Variants in DENND1A observed in about 807,000 individuals in gnomAD.
DENND1A encodes DENN domain containing 1A, also known as DENN domain-containing protein 1A.
Under a neutral mutation model 113.7 loss-of-function variants are expected in DENND1A, and 51 were observed. That is an observed-to-expected ratio of 0.45 (90% CI 0.36 to 0.57). The LOEUF is 0.57. Among genes scored for constraint, DENND1A ranks in the 20% least tolerant of loss-of-function variants. The pLI is 0.00. For missense variants in DENND1A, 1,258 were observed against 1,395.9 expected (o/e 0.90, Z 1.57); for synonymous variants, 565 against 570.8 (o/e 0.99, Z 0.14).
rs567710865 is a variant in DENND1A at position 123,510,360 on chromosome 9, T to A, written c.993+47210A>T. ...TCATCTGATAAAGGGAAATACACAATAGAATGATCAGTGTGAGCACACAAG... is the reference window on the plus strand; with the variant it reads ...TCATCTGATAAAGGGAAATACACAAAAGAATGATCAGTGTGAGCACACAAG... On this transcript the variant is annotated intron_variant, in intron 13 of 23. Transcript: ENST00000394215. Among the ~76,000 whole-genome samples the A allele has an allele frequency of 3.3e-5, 5 of 152,372 alleles. No individual in the cohort carries two copies. In the East Asian group the frequency reaches 9.6e-4, roughly 29 times the overall value.
At chr9:123,576,013 G>A (rs781762447) in intron 12 of DENND1A, among the ~76,000 whole-genome samples, 2 of 152,032 alleles carry the variant, frequency 1.3e-5, no homozygotes, top group African/African-American at 2.4e-5. Flanking sequence ...TTTTCTATTT[G>A]TTCCATCTGT....
At chr9:123,494,225 C>T (rs1353122505) in intron 13 of DENND1A, among the ~76,000 whole-genome samples, 1 of 152,138 alleles carries the variant, frequency 6.6e-6, no homozygotes, top group East Asian at 1.9e-4. Context: ...ATAAAACTGA[C>T]TTTTTTACAC....
chr9:123,637,406 C>T (rs971315892), intron 9 of DENND1A, among the ~76,000 whole-genome samples: 41 of 152,142 alleles, frequency 2.7e-4, no homozygotes, highest in Admixed American at 2.2e-3. Flanking sequence ...AAACCATCTT[C>T]GTAGTATCAT....
chr9:123,515,745 A>C (rs895033980), intron 13 of DENND1A, among the ~76,000 whole-genome samples: 1 of 152,080 alleles, frequency 6.6e-6, no homozygotes, highest in African/African-American at 2.4e-5. Flanking sequence ...CCAGCAAAAA[A>C]AGTGAGGAGT....
intron 2 of DENND1A, among the ~76,000 whole-genome samples, chr9:123,833,857 G>A (rs1035472532): frequency 3.3e-5 from 5 of 152,088 alleles, no homozygotes; most frequent in Non-Finnish European, 5.9e-5. Flanking sequence ...TCAAGAGATC[G>A]AGACCATCCT....
chr9:123,476,438 T>G (rs1013990309), intron 13 of DENND1A, among the ~76,000 whole-genome samples: 4 of 152,274 alleles, frequency 2.6e-5, no homozygotes, highest in Non-Finnish European at 4.4e-5. Flanking sequence ...ACTTCCTAGC[T>G]GTGTCTTCCT....
intron 9 of DENND1A, among the ~76,000 whole-genome samples, chr9:123,630,831 C>A (rs1347581115): frequency 6.6e-6 from 1 of 152,108 alleles, no homozygotes; most frequent in African/African-American, 2.4e-5. Context: ...ATACAGTATT[C>A]TTCTGTGTTT....
At chr9:123,409,680 C>T (rs954660862) in intron 20 of DENND1A, among the ~76,000 whole-genome samples, 4 of 152,094 alleles carry the variant, frequency 2.6e-5, no homozygotes, top group African/African-American at 7.2e-5. Context: ...GACTGTGAGG[C>T]GCAGCTGGGA....
intron 13 of DENND1A, among the ~76,000 whole-genome samples, chr9:123,478,090 T>C (rs2050056494): frequency 6.6e-6 from 1 of 152,228 alleles, no homozygotes; most frequent in African/African-American, 2.4e-5. Flanking sequence ...CCTGGATTTA[T>C]GATCTCCTAA....
At chr9:123,463,498 T>C (rs2048699272) in intron 13 of DENND1A, among the ~76,000 whole-genome samples, 2 of 152,220 alleles carry the variant, frequency 1.3e-5, no homozygotes, top group African/African-American at 2.4e-5. Context: ...CCATAGAGTA[T>C]TACATTCTTC....
intron 2 of DENND1A, among the ~76,000 whole-genome samples, chr9:123,799,488 T>C (rs972408063): frequency 5.9e-5 from 9 of 152,180 alleles, no homozygotes; most frequent in Non-Finnish European, 1.0e-4. Flanking sequence ...GTAAGTGTGA[T>C]ACTAGGAGTT....
chr9:123,514,096 G>A lies in DENND1A; in HGVS notation c.993+43474C>T, dbSNP rs74745967. 9.1e-3 allele frequency among the ~76,000 whole-genome samples: 441 copies of A among 48,500 alleles called. 8 individuals carry two copies. Among genetic ancestry groups the A allele is most frequent in the East Asian group, 0.077 (123 of 1,590 alleles). The allele number at this position is 48,500 out of a possible 152,430, so 31.8% of individuals were successfully genotyped here. On this transcript the variant is annotated intron_variant, in intron 13 of 23. Transcript: ENST00000394215. ...TGTGTGTGTGTGTGTGTGTGTGTGT[G>A]TATGTGTGTGTGTCTGTGTGTGTGT...
At chr9:123,383,958 G>T in intron 22 of DENND1A, 45 bp from the exon 23 acceptor site, 1 of 1,578,548 alleles carries the variant, frequency 6.3e-7, no homozygotes, top group Non-Finnish European at 8.6e-7. Flanking sequence ...CAGGCCTTCA[G>T]GGGAGGAGCA....
intron 13 of DENND1A, among the ~76,000 whole-genome samples, chr9:123,498,845 C>G (rs764516969): frequency 4.6e-5 from 7 of 152,096 alleles, no homozygotes; most frequent in Non-Finnish European, 1.0e-4. Context: ...ACCTCAGCCT[C>G]TCCAGTAGCT....
intron 2 of DENND1A, among the ~76,000 whole-genome samples, chr9:123,863,768 ATC>A (rs1426743726): frequency 1.3e-5 from 2 of 152,210 alleles, no homozygotes; most frequent in Non-Finnish European, 2.9e-5. Context: ...AGGCTAAAAT[ATC>A]TCTTTCACCA....
chr9:123,430,192 A>G (rs1378143955), intron 19 of DENND1A, among the ~76,000 whole-genome samples: 1 of 152,206 alleles, frequency 6.6e-6, no homozygotes, highest in East Asian at 1.9e-4. Context: ...GAAACAACAG[A>G]TGCTGGAGAG....
In DENND1A at chr9:123,381,668, T is replaced by C; in HGVS notation, c.2977A>G (p.Arg993Gly). 1 of 1,598,252 alleles carries C rather than the reference T, an allele frequency of 6.3e-7. No homozygotes were observed. Among genetic ancestry groups the C allele is most frequent in the Non-Finnish European group, 8.5e-7 (1 of 1,172,650 alleles). The change falls in exon 24 of 24, where the codon AGG (arginine) becomes GGG (glycine). Residue 993 changes from arginine to glycine, a missense_variant. Physicochemically the swap from Arg to Gly is moderately radical, Grantham distance 125. Coordinates refer to ENST00000394215, the MANE Select transcript of DENND1A (RefSeq NM_001352964.2). The surrounding 1 kb of genome is among the most constrained non-coding windows in gnomAD (Gnocchi z 4.7). The part of the protein sequence containing the change: ...RTLPLARSSA[R>G]AAETKQGLAL... ...AGCCCCTGCTTGGTCTCAGCAGCCCTGGCACTTGAGCGGGCCAGGGGCAAC... is the reference window on the plus strand; with the variant it reads ...AGCCCCTGCTTGGTCTCAGCAGCCCCGGCACTTGAGCGGGCCAGGGGCAAC...
chr9:123,500,745 C>T (rs1202106999), intron 13 of DENND1A, among the ~76,000 whole-genome samples: 1 of 152,210 alleles, frequency 6.6e-6, no homozygotes. Flanking sequence ...CTCAGTAACA[C>T]ACAATGAATT....
chr9:123,818,207 C>G (rs1564332080), intron 2 of DENND1A, among the ~76,000 whole-genome samples: 1 of 151,786 alleles, frequency 6.6e-6, no homozygotes, highest in Non-Finnish European at 1.5e-5. Context: ...CAGGTTCACA[C>G]CATTCTCCTG....
Sources: allele counts gnomAD v4.1 joint callset (sites outside exome capture counted in the v4.1 genomes callset), GRCh38; gene constraint gnomAD v4.1.1; non-coding constraint Gnocchi (gnomAD v3.1); transcripts MANE v1.5; gene names NCBI Gene and HGNC (gene_info 2026-07-23, HGNC 2026-07-21).